Variants in IBTK observed in about 807,000 individuals in gnomAD.
IBTK encodes the protein BTK-binding protein.
A neutral mutation model predicts 154.9 loss-of-function variants in IBTK; 83 were observed. The observed-to-expected ratio is 0.54, with a 90% confidence interval of 0.45 to 0.64. The LOEUF (loss-of-function observed/expected upper bound fraction) is 0.64. Ranked by LOEUF, IBTK falls within the 30% of genes least tolerant of loss-of-function variation. The pLI is 0.00. For synonymous variants in IBTK, 515 were observed against 536.1 expected, an observed-to-expected ratio of 0.96 and a Z score of 0.54; for missense variants, 1,332 against 1,584.6, an observed-to-expected ratio of 0.84 and a Z score of 2.71.
chr6:82,199,252 T>A (rs1429470374), intron 21 of IBTK, among the ~76,000 whole-genome samples: 1 of 151,686 alleles, frequency 6.6e-6, no homozygotes, highest in East Asian at 1.9e-4. Flanking sequence ...TGTGTGTGTT[T>A]GTGTGTGTGT....
At chr6:82,241,080 C>CT (rs71545826) in intron 1 of IBTK, among the ~76,000 whole-genome samples, 8 of 151,810 alleles carry the variant, frequency 5.3e-5, no homozygotes, top group African/African-American at 9.7e-5. Flanking sequence ...GGGTTAATTC[C>CT]TTTTTTTTCT....
At position 82,244,188 on chromosome 6, in the gene IBTK, C is replaced by T. The variant is rs149877252; in HGVS notation, c.-357-3345G>A. On this transcript the variant is annotated intron_variant, in intron 1 of 28. Transcript: ENST00000306270. ...AACATGGTACCTGGCACTAAATATG[C>T]ATTCGACAAATAATAGTTTTCATTA... is the stretch of plus-strand genomic sequence containing the variant. 1.6e-4 allele frequency among the ~76,000 whole-genome samples: 24 copies of T among 152,280 alleles called. No individual in the cohort carries two copies. In the East Asian group the frequency reaches 3.7e-3, roughly 23 times the overall value.
intron 21 of IBTK, among the ~76,000 whole-genome samples, chr6:82,197,618 G>A (rs1178749957): frequency 6.6e-5 from 10 of 152,160 alleles, no homozygotes; most frequent in Middle Eastern, 3.4e-3. Context: ...TGGTCCGCCC[G>A]CCTTGGCCTC....
chr6:82,214,873 G>T, intron 11 of IBTK, 44 bp from the exon 12 acceptor site: 2 of 1,497,826 alleles, frequency 1.3e-6, no homozygotes, highest in Admixed American at 2.3e-5. Flanking sequence ...AAAATATGAA[G>T]GAAATCCTTT....
intron 3 of IBTK, 123 bp downstream of exon 3, chr6:82,234,036 G>A: frequency 2.2e-6 from 1 of 451,088 alleles, no homozygotes; most frequent in Non-Finnish European, 4.1e-6. Flanking sequence ...GCCCATTTGT[G>A]AAATTTTCTT....
rs1291804420 is a variant in IBTK at position 82,220,609 on chromosome 6, G to A, written c.1229C>T (p.Ala410Val). ...ACTTACCCTTCCAGCTCCATCCATTGCAAGAATGCAAATTTTTTGACCCCC... is the reference window on the plus strand; with the variant it reads ...ACTTACCCTTCCAGCTCCATCCATTACAAGAATGCAAATTTTTTGACCCCC... ...ENGGQKICIL[A>V]MDGAGRVFCW... The change falls in exon 9 of 29, where the codon GCA (alanine) becomes GTA (valine). Residue 410 changes from alanine (A) to valine (V), a missense_variant. By Grantham distance (64) the Ala-to-Val change is moderately conservative. Transcript: ENST00000306270. The A allele has an allele frequency of 4.3e-6, 7 of 1,610,742 alleles. No homozygotes were observed. The Middle Eastern group carries it at 6.6e-4, about 152-fold the overall frequency.
rs1036182581 is a variant in IBTK at position 82,246,289 on chromosome 6, C to T, written c.-358+1273G>A. On this transcript the variant is annotated intron_variant, in intron 1 of 28. Transcript: ENST00000306270. ...ACTCAAGCGATTCTGCCTCAGCCTCCCGAGTAGCTGGGATTACAGGCACAC... is the reference window on the plus strand; with the variant it reads ...ACTCAAGCGATTCTGCCTCAGCCTCTCGAGTAGCTGGGATTACAGGCACAC... Among the ~76,000 whole-genome samples, 3 of 152,064 alleles carry T rather than the reference C, an allele frequency of 2.0e-5. 1 individual carries two copies. Among genetic ancestry groups the T allele is most frequent in the Non-Finnish European group, 4.4e-5 (3 of 68,010 alleles).
chr6:82,193,691 C>CT (rs926935171), intron 23 of IBTK, among the ~76,000 whole-genome samples: 2 of 151,712 alleles, frequency 1.3e-5, no homozygotes, highest in South Asian at 2.1e-4. Context: ...TTTTCTTTTT[C>CT]TTTTTTTTGA....
chr6:82,210,584 G>C (rs1166889541), intron 16 of IBTK: 1 of 185,446 alleles, frequency 5.4e-6, no homozygotes, highest in Non-Finnish European at 1.1e-5. Flanking sequence ...TAGCACTTTG[G>C]AAGGCCGAGG....
intron 7 of IBTK, 61 bp downstream of exon 7, chr6:82,224,007 A>G: frequency 1.1e-6 from 1 of 934,422 alleles, no homozygotes; most frequent in Non-Finnish European, 1.7e-6. Flanking sequence ...ATTAAAAAGA[A>G]AAGATAATTT....
intron 2 of IBTK, among the ~76,000 whole-genome samples, chr6:82,238,929 G>T (rs1770837417): frequency 6.6e-6 from 1 of 151,392 alleles, no homozygotes; most frequent in South Asian, 2.1e-4. Context: ...AGTAGAGATG[G>T]CGTTTTACTA....
intron 4 of IBTK, among the ~76,000 whole-genome samples, chr6:82,227,514 G>GA (rs955198510): frequency 6.0e-5 from 9 of 151,234 alleles, no homozygotes; most frequent in Non-Finnish European, 1.3e-4. Flanking sequence ...ACATTGACAC[G>GA]AAAAAAAAGA....
At chr6:82,218,696 G>A (rs1288164306) in intron 9 of IBTK, among the ~76,000 whole-genome samples, 1 of 152,152 alleles carries the variant, frequency 6.6e-6, no homozygotes, top group Non-Finnish European at 1.5e-5. Context: ...AAGGGATGGA[G>A]AATGATGAGA....
At chr6:82,233,981 G>A (rs6921532) in intron 3 of IBTK, among the ~76,000 whole-genome samples, 178 bp downstream of exon 3, 26,561 of 151,094 alleles carry the variant, frequency 0.18, 2,367 homozygotes, top group African/African-American at 0.18. Context: ...CGCCTGCCTC[G>A]GTCTACCAAA....
chr6:82,196,260 A>T, intron 22 of IBTK, 38 bp downstream of exon 22: 1 of 1,484,106 alleles, frequency 6.7e-7, no homozygotes, highest in Non-Finnish European at 9.0e-7. Flanking sequence ...ATAAATCTAA[A>T]ATCTGAAGGT....
intron 19 of IBTK, 66 bp from the exon 20 acceptor site, chr6:82,200,774 T>TG: frequency 7.1e-7 from 1 of 1,415,446 alleles, no homozygotes; most frequent in African/African-American, 1.6e-5. Context: ...TTTTTTTTTT[T>TG]TTTTTTTGTG....
At chr6:82,218,307 T>C (rs1769946972) in intron 9 of IBTK, among the ~76,000 whole-genome samples, 170 bp from the exon 10 acceptor site, 1 of 152,210 alleles carries the variant, frequency 6.6e-6, no homozygotes, top group Admixed American at 6.5e-5. Context: ...AAAATCAAGA[T>C]GATTTTAAAG....
At chr6:82,195,886 A>G (rs887876734) in intron 22 of IBTK, among the ~76,000 whole-genome samples, 5 of 152,172 alleles carry the variant, frequency 3.3e-5, no homozygotes, top group Non-Finnish European at 5.9e-5. Flanking sequence ...TGCTCCAGTT[A>G]ATACCCTGGA....
In IBTK at chr6:82,234,268, A is replaced by C. The variant is rs759661512; in HGVS notation, c.322-13T>G. 1 of 1,223,486 alleles carries C rather than the reference A, an allele frequency of 8.2e-7. No individual in the cohort carries two copies. Among genetic ancestry groups the C allele is most frequent in the Non-Finnish European group, 1.1e-6 (1 of 883,344 alleles). The allele number at this position is 1,223,486 out of a possible 1,614,324, so 75.8% of individuals were successfully genotyped here. On this transcript the variant is annotated splice_polypyrimidine_tract_variant and intron_variant, in intron 2 of 28. Coordinates refer to ENST00000306270, the MANE Select transcript of IBTK (RefSeq NM_015525.4). ...GACTAACACCATGCTAAAACAAACAAACAAACAAATACATAAATATATATA... is the reference window on the plus strand; with the variant it reads ...GACTAACACCATGCTAAAACAAACACACAAACAAATACATAAATATATATA...
Sources: allele counts gnomAD v4.1 joint callset (sites outside exome capture counted in the v4.1 genomes callset), GRCh38; gene constraint gnomAD v4.1.1; transcripts MANE v1.5; gene names NCBI Gene and HGNC (gene_info 2026-07-23, HGNC 2026-07-21).